SLC12A2: variants seen among roughly 807,000 people sequenced by gnomAD.
The protein encoded by SLC12A2 is Na-K-2Cl cotransporter 1.
In SLC12A2, 67 loss-of-function variants were observed where a neutral mutation model predicts 136.3. That is an observed-to-expected ratio of 0.49 (90% CI 0.40 to 0.60). SLC12A2 has a LOEUF of 0.60. Among genes scored for constraint, SLC12A2 ranks in the 20% least tolerant of loss-of-function variants. The probability of loss-of-function intolerance (pLI) is 0.00; values close to 1 mark genes in which losing one functional copy is unlikely to be tolerated. For missense variants in SLC12A2, 1,322 were observed against 1,534.7 expected, an observed-to-expected ratio of 0.86 and a Z score of 2.32; for synonymous variants, 619 against 562.9, an observed-to-expected ratio of 1.10 and a Z score of -1.41.
intron 13 of SLC12A2, among the ~76,000 whole-genome samples, 164 bp downstream of exon 13, chr5:128,150,262 G>C (rs1450383591): frequency 1.3e-5 from 2 of 151,708 alleles, no homozygotes; most frequent in Non-Finnish European, 1.5e-5. Context: ...CTCTTTATCA[G>C]TAAGTTTACT....
intron 4 of SLC12A2, among the ~76,000 whole-genome samples, chr5:128,120,882 A>G (rs1198430752): frequency 6.6e-6 from 1 of 152,068 alleles, no homozygotes; most frequent in African/African-American, 2.4e-5. Flanking sequence ...TAAAATAAAT[A>G]AAAATTAATG....
intron 2 of SLC12A2, among the ~76,000 whole-genome samples, chr5:128,113,806 C>T (rs1361735663): frequency 6.6e-6 from 1 of 152,140 alleles, no homozygotes; most frequent in Non-Finnish European, 1.5e-5. Context: ...ATACTTAAAT[C>T]TGCTGAAGAA....
In SLC12A2 at chr5:128,116,417, A is replaced by C. The variant is rs141547349; in HGVS notation, c.1048+1736A>C. 5.3e-3 allele frequency among the ~76,000 whole-genome samples: 683 copies of C among 128,070 alleles called. 12 individuals carry two copies. Among genetic ancestry groups the C allele is most frequent in the East Asian group, 7.9e-3 (36 of 4,574 alleles). 84.0% of individuals were successfully genotyped at this position (128,070 alleles called of 152,430 possible). A position where few individuals can be genotyped will look rare whatever the true frequency, so the allele number is the denominator to read the frequency against. On this transcript the variant is annotated intron_variant, in intron 4 of 26. Coordinates refer to ENST00000262461, the MANE Select transcript of SLC12A2 (RefSeq NM_001046.3). ...TAAATATATATATATATATATATAT[A>C]TCTCTTTACAAATACATCTGCCTGA...
At chr5:128,186,302 C>T (rs1416676798) in intron 26 of SLC12A2, among the ~76,000 whole-genome samples, 194 bp from the exon 27 acceptor site, 4 of 152,108 alleles carry the variant, frequency 2.6e-5, no homozygotes, top group Admixed American at 1.3e-4. Flanking sequence ...CTGAGAAATG[C>T]GTCTCCATCG....
rs374181175 is a variant in SLC12A2, at chr5:128,084,646, C to T, written c.692C>T (p.Ala231Val). The change falls in exon 1 of 27, where the codon GCC becomes GTC. Residue 231 changes from alanine to valine, a missense_variant. By Grantham distance (64) the Ala-to-Val change is moderately conservative (BLOSUM62 0). Coordinates refer to ENST00000262461, the MANE Select transcript of SLC12A2 (RefSeq NM_001046.3). This position sits in a 1 kb window ranked among gnomAD's most constrained non-coding sequence, Gnocchi z 5.6. ...AGGATCGATCACTACCGGCACACAGCCGCGCAGCTGGGCGAGAAGCTGCTC... is the reference window on the plus strand; with the variant it reads ...AGGATCGATCACTACCGGCACACAGTCGCGCAGCTGGGCGAGAAGCTGCTC... Reference protein sequence around the residue: ...VPRIDHYRHTAAQLGEKLLRP... With the variant: ...VPRIDHYRHTVAQLGEKLLRP... The T allele has an allele frequency of 1.4e-4, 233 of 1,613,002 alleles. 1 individual carries two copies. The highest frequency in any genetic ancestry group is 1.8e-4 in the Non-Finnish European group (208 of 1,179,746).
intron 13 of SLC12A2, 30 bp from the exon 14 acceptor site, chr5:128,151,211 G>A: frequency 1.3e-6 from 2 of 1,584,084 alleles, no homozygotes; most frequent in Non-Finnish European, 1.7e-6. Context: ...TGAGGTATTT[G>A]TGTGACTTTT....
intron 17 of SLC12A2, among the ~76,000 whole-genome samples, chr5:128,167,494 T>A (rs1763239657): frequency 6.6e-6 from 1 of 152,154 alleles, no homozygotes; most frequent in Admixed American, 6.5e-5. Context: ...ATGAAAATTT[T>A]GGTAGATCAT....
intron 1 of SLC12A2, among the ~76,000 whole-genome samples, chr5:128,109,144 A>C (rs1761046820): frequency 6.6e-6 from 1 of 152,258 alleles, no homozygotes; most frequent in African/African-American, 2.4e-5. Context: ...TTAAAAATTT[A>C]ATTATTTTTC....
At chr5:128,109,493 G>A in intron 1 of SLC12A2, 1 of 551,652 alleles carries the variant, frequency 1.8e-6, no homozygotes, top group Middle Eastern at 3.1e-4. Context: ...TAAATGTTTA[G>A]CATTTTGCTG....
chr5:128,134,519 G>A (rs956618279), intron 6 of SLC12A2, among the ~76,000 whole-genome samples: 5 of 151,896 alleles, frequency 3.3e-5, no homozygotes, highest in Admixed American at 2.6e-4. Context: ...CCGCCTTCTC[G>A]CCCATCCTCC....
chr5:128,178,745 G>T (rs1357546143), intron 22 of SLC12A2, 56 bp downstream of exon 22: 4 of 1,361,168 alleles, frequency 2.9e-6, no homozygotes, highest in South Asian at 1.6e-5. Flanking sequence ...TGTGAGAATA[G>T]TAAGAAATGA....
intron 1 of SLC12A2, 127 bp from the exon 2 acceptor site, chr5:128,112,687 C>T: frequency 3.3e-6 from 2 of 599,746 alleles, no homozygotes; most frequent in East Asian, 3.2e-5. Flanking sequence ...TTTGGAAACC[C>T]TTGATTCTTG....
intron 9 of SLC12A2, among the ~76,000 whole-genome samples, chr5:128,140,700 C>A (rs1450752157): frequency 6.7e-6 from 1 of 149,522 alleles, no homozygotes; most frequent in Non-Finnish European, 1.5e-5. Context: ...GTGGAACCTT[C>A]CCCCCCCAAA....
At chr5:128,119,557 C>G (rs974402169) in intron 4 of SLC12A2, among the ~76,000 whole-genome samples, 3 of 152,106 alleles carry the variant, frequency 2.0e-5, no homozygotes, top group African/African-American at 7.2e-5. Context: ...TTTCTGAGGG[C>G]TCTGTTCTGT....
intron 17 of SLC12A2, among the ~76,000 whole-genome samples, chr5:128,164,606 G>C (rs1763144832): frequency 6.6e-6 from 1 of 152,086 alleles, no homozygotes. Context: ...GTTACACAAA[G>C]TGTCAAATGT....
chr5:128,097,263 C>A (rs1760579667), intron 1 of SLC12A2, among the ~76,000 whole-genome samples: 1 of 151,978 alleles, frequency 6.6e-6, no homozygotes, highest in Admixed American at 6.6e-5. Flanking sequence ...AAACCCTTAA[C>A]CTTTTTGCAT....
intron 4 of SLC12A2, among the ~76,000 whole-genome samples, chr5:128,121,849 G>C (rs1761593760): frequency 6.6e-6 from 1 of 152,184 alleles, no homozygotes; most frequent in Non-Finnish European, 1.5e-5. Context: ...TTGAGAGCTT[G>C]GATTTTATAG....
intron 7 of SLC12A2, among the ~76,000 whole-genome samples, chr5:128,137,626 G>A (rs182706214): frequency 6.6e-6 from 1 of 152,290 alleles, no homozygotes; most frequent in Non-Finnish European, 1.5e-5. Flanking sequence ...AGTACTTTGA[G>A]GTGCTAGAAA....
chr5:128,107,254 C>T (rs951103343), intron 1 of SLC12A2, among the ~76,000 whole-genome samples: 1 of 152,066 alleles, frequency 6.6e-6, no homozygotes, highest in South Asian at 2.1e-4. Flanking sequence ...TACACAGTCC[C>T]CTAGTCATAT....
Sources: gnomAD v4.1 joint callset for allele counts (sites outside exome capture counted in the v4.1 genomes callset) on GRCh38, gnomAD v4.1.1 for gene constraint, Gnocchi (gnomAD v3.1) non-coding constraint, MANE v1.5 for transcripts, NCBI Gene and HGNC (gene_info 2026-07-23, HGNC 2026-07-21) for gene names.